PRR19: variants seen among roughly 807,000 people sequenced by gnomAD.
The protein encoded by PRR19 is proline rich 19.
A neutral mutation model predicts 19.2 loss-of-function variants in PRR19; 9 were observed. The ratio of observed to expected loss-of-function variants is 0.47; its 90% CI spans 0.28 to 0.82. The LOEUF (loss-of-function observed/expected upper bound fraction) is 0.82. PRR19 is among the 40% of genes least tolerant of loss of function. PRR19 has a pLI of 0.11. For missense variants in PRR19, 457 were observed against 466.0 expected (o/e 0.98, Z 0.18); for synonymous variants, 190 against 191.0 (o/e 0.99, Z 0.04).
chr19:42,310,324 C>T lies in PRR19; in HGVS notation c.655C>T (p.Pro219Ser). 2 of 1,614,106 alleles carry T rather than the reference C, an allele frequency of 1.2e-6. No homozygotes were observed. Among genetic ancestry groups the T allele is most frequent in the Non-Finnish European group, 1.7e-6 (2 of 1,179,998 alleles). Residue 219 changes from proline (P) to serine (S), a missense_variant, in exon 3 of 3, where the codon CCT (proline) becomes TCT (serine). Transcript: ENST00000341747. ...GATGACACCCTTCTGGATTAATAGCCCTGATCAAGTCCCAGAGCAGGAGAG... is the reference window on the plus strand; with the variant it reads ...GATGACACCCTTCTGGATTAATAGCTCTGATCAAGTCCCAGAGCAGGAGAG... ...RKMTPFWINS[P>S]DQVPEQERQR...
chr19:42,305,753 C>G (rs575913624), intron 1 of PRR19, among the ~76,000 whole-genome samples: 1 of 152,302 alleles, frequency 6.6e-6, no homozygotes, highest in African/African-American at 2.4e-5. Context: ...AGTTTTATTA[C>G]CAACCCAATT....
At chr19:42,302,529 TC>T in intron 1 of PRR19, 26 bp downstream of exon 1, 2 of 505,112 alleles carry the variant, frequency 4.0e-6, no homozygotes, top group Non-Finnish European at 7.0e-6. Context: ...AACCTTCGCT[TC>T]CCCCACGACG....
In PRR19 at chr19:42,302,506, A is replaced by G. The variant is rs2038652189; in HGVS notation, c.-7+3A>G. ...GGACGGAAGCCTTCACTTAGGAGGT[A>G]GGTGGAATCAGGAACCTTCGCTTCC... On this transcript the variant is annotated splice_donor_region_variant and intron_variant, in intron 1 of 2. Coordinates refer to ENST00000341747, the MANE Select transcript of PRR19 (RefSeq NM_199285.3). The G allele has an allele frequency of 3.6e-6, 2 of 559,130 alleles. No individual in the cohort carries two copies. The highest frequency in any genetic ancestry group is 6.3e-6 in the Non-Finnish European group (2 of 316,542). The allele number at this position is 559,130 out of a possible 1,614,324, so 34.6% of individuals were successfully genotyped here.
Position 42,310,519 on chromosome 19 carries a change from G to C in PRR19, c.850G>C (p.Asp284His), listed in dbSNP as rs1253432301. The C allele has an allele frequency of 6.2e-7, 1 of 1,614,080 alleles. No homozygotes were observed. Among genetic ancestry groups the C allele is most frequent in the African/African-American group, 1.3e-5 (1 of 74,930 alleles). ...GTAWGPPTAF[D>H]LLKSIWLVAT... The stretch of plus-strand genomic sequence containing the variant: ...AGCCTGGGGTCCCCCAACAGCGTTT[G>C]ACTTGTTAAAAAGCATCTGGCTGGT... Residue 284 changes from aspartate to histidine, a missense_variant, in exon 3 of 3, where the codon GAC (aspartate) becomes CAC (histidine). Transcript: ENST00000341747.
intron 1 of PRR19, among the ~76,000 whole-genome samples, chr19:42,304,043 C>A (rs1220671123): frequency 6.6e-6 from 1 of 151,342 alleles, no homozygotes; most frequent in Non-Finnish European, 1.5e-5. Flanking sequence ...CTTTGGGAGG[C>A]TGACATGGTC....
chr19:42,304,035 T>C (rs935326244), intron 1 of PRR19, among the ~76,000 whole-genome samples: 9 of 151,802 alleles, frequency 5.9e-5, no homozygotes, highest in East Asian at 1.9e-4. Flanking sequence ...TCCCAGCACT[T>C]TGGGAGGCTG....
At position 42,302,309 on chromosome 19, in the gene PRR19, T is replaced by C. The variant is rs773635973; in HGVS notation, c.-201T>C. On this transcript the variant is annotated 5_prime_UTR_variant, in exon 1 of 3. Coordinates refer to ENST00000341747, the MANE Select transcript of PRR19 (RefSeq NM_199285.3). ...CTGGCTGGGTTCTCCTCTCCACTCA[T>C]CTTGGCGCCGCAGCTCCTGCAGGAT... 6 of 1,602,320 alleles carry C rather than the reference T, an allele frequency of 3.7e-6. No individual in the cohort carries two copies. In the Admixed American group the frequency reaches 6.8e-5, roughly 18 times the overall value.
At chr19:42,304,615 T>C (rs753872469) in intron 1 of PRR19, among the ~76,000 whole-genome samples, 5 of 150,910 alleles carry the variant, frequency 3.3e-5, no homozygotes, top group Non-Finnish European at 7.4e-5. Context: ...CGGGGCGTGG[T>C]GGCAGGCGCC....
At chr19:42,304,578 G>A (rs1466233785) in intron 1 of PRR19, among the ~76,000 whole-genome samples, 3 of 150,302 alleles carry the variant, frequency 2.0e-5, no homozygotes, top group Non-Finnish European at 4.4e-5. Flanking sequence ...GTGAAACCCC[G>A]TCTCTACTAA....
intron 1 of PRR19, chr19:42,308,721 T>C (rs1254773595): frequency 1.3e-5 from 2 of 152,002 alleles, no homozygotes; most frequent in African/African-American, 4.8e-5. Flanking sequence ...TTTTTATTTT[T>C]ATTTTTTGTA....
Position 42,310,305 on chromosome 19 carries a change from A to G in PRR19, c.636A>G (p.Thr212=), listed in dbSNP as rs750660801. 4.3e-5 allele frequency: 69 copies of G among 1,613,850 alleles called. No individual in the cohort carries two copies. The highest frequency in any genetic ancestry group is 1.3e-4 in the African/African-American group (10 of 74,846). ...CTGGGGTCTCTGAGAGAAAGATGAC[A>G]CCCTTCTGGATTAATAGCCCTGATC... ...AKPGVSERKM[T]PFWINSPDQV... Residue 212 remains threonine, a synonymous_variant, in exon 3 of 3, where the codon ACA becomes ACG. Coordinates refer to ENST00000341747, the MANE Select transcript of PRR19 (RefSeq NM_199285.3).
At chr19:42,308,716 A>G (rs1194194557) in intron 1 of PRR19, 2 of 151,528 alleles carry the variant, frequency 1.3e-5, no homozygotes, top group African/African-American at 4.9e-5. Flanking sequence ...GCTAATTTTT[A>G]TTTTTATTTT....
chr19:42,309,713 C>G lies in PRR19; in HGVS notation c.129C>G (p.His43Gln), dbSNP rs367993817. Residue 43 changes from histidine (H) to glutamine (Q), a missense_variant, in exon 2 of 3, where the codon CAC becomes CAG. Transcript: ENST00000341747. ...GCAGCCGCCGGCCATTAGCCCACCA[C>G]GATCCTCCTGTGGCCATTCGGGATC... ...LVGSRRPLAHHDPPVAIRDPP... is the reference protein window; with the variant it reads ...LVGSRRPLAHQDPPVAIRDPP... 6.2e-7 allele frequency: 1 copy of G among 1,606,290 alleles called. No individual in the cohort carries two copies. Among genetic ancestry groups the G allele is most frequent in the Non-Finnish European group, 8.5e-7 (1 of 1,174,032 alleles).
At chr19:42,307,036 T>A (rs2038715262) in intron 1 of PRR19, 1 of 152,192 alleles carries the variant, frequency 6.6e-6, no homozygotes, top group African/African-American at 2.4e-5. Flanking sequence ...CACAGCTACG[T>A]GAAGTGGGAA....
chr19:42,302,332 G>T lies in PRR19; in HGVS notation c.-178G>T, dbSNP rs200394369. On this transcript the variant is annotated 5_prime_UTR_variant, in exon 1 of 3. Coordinates refer to ENST00000341747, the MANE Select transcript of PRR19 (RefSeq NM_199285.3). ...CATCTTGGCGCCGCAGCTCCTGCAG[G>T]ATGAGCGAGTCGGGTCGGCCCGGGA... 2,835 of 1,582,318 alleles carry T rather than the reference G, an allele frequency of 1.8e-3. 4 individuals carry two copies. The highest frequency in any genetic ancestry group is 2.1e-3 in the Non-Finnish European group (2,457 of 1,166,388).
At chr19:42,308,284 T>C (rs2038737626) in intron 1 of PRR19, among the ~76,000 whole-genome samples, 1 of 151,874 alleles carries the variant, frequency 6.6e-6, no homozygotes, top group Non-Finnish European at 1.5e-5. Context: ...TGGGGCACAG[T>C]GATGCAATCA....
chr19:42,304,505 C>T (rs1386641082), intron 1 of PRR19, among the ~76,000 whole-genome samples: 1 of 150,238 alleles, frequency 6.7e-6, no homozygotes, highest in Admixed American at 6.6e-5. Context: ...GTAATCCCAG[C>T]ACTTTGGGAG....
chr19:42,304,906 C>T lies in PRR19; in HGVS notation c.-7+2403C>T, dbSNP rs530821256. On this transcript the variant is annotated intron_variant, in intron 1 of 2. Coordinates refer to ENST00000341747, the MANE Select transcript of PRR19 (RefSeq NM_199285.3). ...TGGGTGACAGAGTGAGTCCCTGTCT[C>T]CAAAAAAGAAGTCATAATCAGCTAG... Among the ~76,000 whole-genome samples, 9 of 149,530 alleles carry T rather than the reference C, an allele frequency of 6.0e-5. No homozygotes were observed. The East Asian group carries it at 1.6e-3, about 27-fold the overall frequency.
At chr19:42,306,206 G>C (rs2038704929) in intron 1 of PRR19, among the ~76,000 whole-genome samples, 1 of 152,054 alleles carries the variant, frequency 6.6e-6, no homozygotes. Context: ...ATTTAGAGAC[G>C]GAGTCTCGCT....
Sources: gnomAD v4.1 joint callset for allele counts (sites outside exome capture counted in the v4.1 genomes callset) on GRCh38, gnomAD v4.1.1 for gene constraint, MANE v1.5 for transcripts, NCBI Gene and HGNC (gene_info 2026-07-23, HGNC 2026-07-21) for gene names.